The following HBG2 variants were observed in gnomAD, a reference collection of about 807,000 sequenced individuals.
HBG2 encodes hemoglobin subunit gamma-2.
For missense variants in HBG2, 59 were observed against 155.7 expected, an observed-to-expected ratio of 0.38 and a Z score of 3.31; for synonymous variants, 25 against 63.2, an observed-to-expected ratio of 0.40 and a Z score of 2.87.
rs143904799 is a variant in HBG2 at position 5,253,292 on chromosome 11, G to A, written c.429C>T (p.Ser143=). The change falls in exon 3 of 3, where the codon TCC becomes TCT. Residue 143 remains serine (S), a synonymous_variant. Coordinates refer to ENST00000336906, the MANE Select transcript of HBG2 (RefSeq NM_000184.3). The stretch of plus-strand genomic sequence containing the variant: ...GGCAGTGAGCTCAGTGGTATCTGGA[G>A]GACAGGGCACTGGCCACTCCAGTCA... ...KMVTGVASAL[S]SRYH is the part of the protein sequence containing the mutation. The A allele has an allele frequency of 1.4e-3, 2,185 of 1,614,070 alleles. 3 individuals carry two copies. The highest frequency in any genetic ancestry group is 1.8e-3 in the Non-Finnish European group (2,069 of 1,179,968).
chr11:5,254,667 A>G lies in HBG2; in HGVS notation c.62T>C (p.Val21Ala), dbSNP rs63751196. Reference sequence around the variant, plus strand: ...CAGGGTTTCTCCTCCAGCATCTTCCACATTCACCTTGCCCCACAGGCTTGT... The same window carrying G: ...CAGGGTTTCTCCTCCAGCATCTTCCGCATTCACCTTGCCCCACAGGCTTGT... ...TITSLWGKVN[V>A]EDAGGETLGR... is the part of the protein sequence containing the mutation. Residue 21 changes from valine (V) to alanine (A), a missense_variant, in exon 1 of 3, where the codon GTG becomes GCG. Physicochemically the swap from Val to Ala is moderately conservative, Grantham distance 64 (BLOSUM62 0). Coordinates refer to ENST00000336906, the MANE Select transcript of HBG2 (RefSeq NM_000184.3). 244 of 861,492 alleles carry G rather than the reference A, an allele frequency of 2.8e-4. 3 individuals carry two copies. The South Asian group carries it at 3.5e-3, about 12-fold the overall frequency. The allele number at this position is 861,492 out of a possible 1,614,324, so 53.4% of individuals were successfully genotyped here. A position where few individuals can be genotyped will look rare whatever the true frequency, so the allele number is the denominator to read the frequency against.
intron 2 of HBG2, among the ~76,000 whole-genome samples, chr11:5,253,929 T>C (rs1847985187): frequency 6.6e-6 from 1 of 152,080 alleles, no homozygotes; most frequent in Admixed American, 6.6e-5. Flanking sequence ...ATATATGCCT[T>C]CTGCCTGCAT....
intron 2 of HBG2, 126 bp from the exon 3 acceptor site, chr11:5,253,531 C>T (rs1847976388): frequency 8.3e-7 from 1 of 1,203,826 alleles, no homozygotes; most frequent in African/African-American, 1.4e-5. Flanking sequence ...CCCTCAAAGC[C>T]TGAGATTTTG....
chr11:5,253,988 G>T (rs547152339), intron 2 of HBG2, among the ~76,000 whole-genome samples: 1 of 150,854 alleles, frequency 6.6e-6, no homozygotes, highest in African/African-American at 2.5e-5. Flanking sequence ...GTTTTAAAAC[G>T]AATAACAAAA....
chr11:5,253,596 A>G (rs180777769), intron 2 of HBG2, among the ~76,000 whole-genome samples, 191 bp from the exon 3 acceptor site: 1 of 152,140 alleles, frequency 6.6e-6, no homozygotes, highest in Non-Finnish European at 1.5e-5. Context: ...CACTGGCCAT[A>G]ATTTAAATCT....
rs575079820 is a variant in HBG2, at chr11:5,253,216, T to C, written c.*61A>G. On this transcript the variant is annotated 3_prime_UTR_variant, in exon 3 of 3. Coordinates refer to ENST00000336906, the MANE Select transcript of HBG2 (RefSeq NM_000184.3). ...GTGATCTCTTAGCAGAATAGATTTA[T>C]TATTTGATTGCTTGCAGAATAAAGC... The C allele has an allele frequency of 5.0e-4, 788 of 1,591,868 alleles. 2 individuals are homozygous for C. The highest frequency in any genetic ancestry group is 6.0e-4 in the Non-Finnish European group (697 of 1,164,772).
chr11:5,253,260 C>T lies in HBG2; in HGVS notation c.*17G>A. ...ATAAAGCCTATCCTTGAAAGCTCTG[C>T]ATCATGGGCAGTGAGCTCAGTGGTA... On this transcript the variant is annotated 3_prime_UTR_variant, in exon 3 of 3. Transcript: ENST00000336906. The T allele has an allele frequency of 6.2e-7, 1 of 1,611,222 alleles. No homozygotes were observed. The highest frequency in any genetic ancestry group is 1.1e-5 in the South Asian group (1 of 91,064).
Position 5,253,382 on chromosome 11 carries a change from G to T in HBG2, c.339C>A (p.Thr113=), listed in dbSNP as rs201444721. The change falls in exon 3 of 3, where the codon ACC becomes ACA. Residue 113 remains threonine (T), a synonymous_variant. Coordinates refer to ENST00000336906, the MANE Select transcript of HBG2 (RefSeq NM_000184.3). ...CTTTGCCGAAATGGATTGCCAAAACGGTCACCAGCACATTTCCCAGGAGCT... is the reference window on the plus strand; with the variant it reads ...CTTTGCCGAAATGGATTGCCAAAACTGTCACCAGCACATTTCCCAGGAGCT... ...NFKLLGNVLV[T]VLAIHFGKEF... is the part of the protein sequence containing the mutation. The T allele has an allele frequency of 3.1e-6, 5 of 1,612,772 alleles. No homozygotes were observed. Among genetic ancestry groups the T allele is most frequent in the Non-Finnish European group, 4.2e-6 (5 of 1,179,124 alleles).
intron 2 of HBG2, among the ~76,000 whole-genome samples, chr11:5,254,041 G>C (rs1847987257): frequency 6.6e-6 from 1 of 151,778 alleles, no homozygotes; most frequent in Non-Finnish European, 1.5e-5. Context: ...ATCTAATAAA[G>C]AAAAGTCATT....
rs535176697 is a variant in HBG2, at chr11:5,253,556, G to T, written c.316-151C>A. On this transcript the variant is annotated intron_variant, in intron 2 of 2. Coordinates refer to ENST00000336906, the MANE Select transcript of HBG2 (RefSeq NM_000184.3). Reference sequence around the variant, plus strand: ...CTGAGATTTTGCTTTCCCATTAAATGCAGGTAGTTGTTCTTCTTGCAGCAC... The same window carrying T: ...CTGAGATTTTGCTTTCCCATTAAATTCAGGTAGTTGTTCTTCTTGCAGCAC... The T allele has an allele frequency of 9.8e-6, 10 of 1,023,888 alleles. No individual in the cohort carries two copies. The African/African-American group carries it at 1.1e-4, about 11-fold the overall frequency. 63.4% of individuals were successfully genotyped at this position (1,023,888 alleles called of 1,614,324 possible).
rs1847995328 is a variant in HBG2 at position 5,254,480 on chromosome 11, AG to A, written c.126del (p.Phe43LeufsTer27). 2.5e-6 allele frequency: 4 copies of A among 1,613,974 alleles called. No homozygotes were observed. The African/African-American group carries it at 5.3e-5, about 22-fold the overall frequency. Reference sequence around the variant, plus strand: ...GAGGACAGGTTGCCAAAGCTGTCAAAGAACCTCTGGGTCCATGGGTAGACAA... The same window carrying A: ...GAGGACAGGTTGCCAAAGCTGTCAAAAACCTCTGGGTCCATGGGTAGACAA... ...LLVVYPWTQR[F>X]FDSFGNLSSA... is the part of the protein sequence containing the mutation. On this transcript the variant is annotated frameshift_variant, in exon 2 of 3. Coordinates refer to ENST00000336906, the MANE Select transcript of HBG2 (RefSeq NM_000184.3). LOFTEE classifies it high-confidence loss of function.
chr11:5,254,373 G>C lies in HBG2; in HGVS notation c.234C>G (p.His78Gln). 1 of 1,614,306 alleles carries C rather than the reference G, an allele frequency of 6.2e-7. No homozygotes were observed. The highest frequency in any genetic ancestry group is 8.5e-7 in the Non-Finnish European group (1 of 1,180,058). The change falls in exon 2 of 3, where the codon CAC (histidine) becomes CAG (glutamine). Residue 78 changes from histidine (H) to glutamine (Q), a missense_variant. Physicochemically the swap from His to Gln is conservative, Grantham distance 24. Transcript: ENST00000336906. Reference sequence around the variant, plus strand: ...CAAAGGTGCCCTTGAGATCATCCAGGTGCTTTATGGCATCTCCCAAGGAAG... The same window carrying C: ...CAAAGGTGCCCTTGAGATCATCCAGCTGCTTTATGGCATCTCCCAAGGAAG... The part of the protein sequence containing the change: ...VLTSLGDAIK[H>Q]LDDLKGTFAQ...
Position 5,253,195 on chromosome 11 carries a change from T to C in HBG2, c.*82A>G, listed in dbSNP as rs761615890. 6.3e-7 allele frequency: 1 copy of C among 1,594,508 alleles called. No homozygotes were observed. The highest frequency in any genetic ancestry group is 8.6e-7 in the Non-Finnish European group (1 of 1,163,434). ...AAGAACTGAAGACAACCATGTGTGATCTCTTAGCAGAATAGATTTATTATT... is the reference window on the plus strand; with the variant it reads ...AAGAACTGAAGACAACCATGTGTGACCTCTTAGCAGAATAGATTTATTATT... On this transcript the variant is annotated 3_prime_UTR_variant, in exon 3 of 3. Transcript: ENST00000336906.
Position 5,253,369 on chromosome 11 carries a change from G to C in HBG2, c.352C>G (p.His118Asp). The C allele has an allele frequency of 6.2e-7, 1 of 1,613,550 alleles. No individual in the cohort carries two copies. The highest frequency in any genetic ancestry group is 8.5e-7 in the Non-Finnish European group (1 of 1,179,594). The stretch of plus-strand genomic sequence containing the variant: ...TCAGGGGTGAATTCTTTGCCGAAAT[G>C]GATTGCCAAAACGGTCACCAGCACA... The part of the protein sequence containing the change: ...GNVLVTVLAI[H>D]FGKEFTPEVQ... Residue 118 changes from histidine to aspartate, a missense_variant, in exon 3 of 3, where the codon CAT becomes GAT. His to Asp is a moderately conservative substitution (Grantham distance 81). Transcript: ENST00000336906.
At chr11:5,254,040 A>G (rs1310173223) in intron 2 of HBG2, among the ~76,000 whole-genome samples, 2 of 151,834 alleles carry the variant, frequency 1.3e-5, no homozygotes, top group African/African-American at 4.9e-5. Context: ...AATCTAATAA[A>G]GAAAAGTCAT....
chr11:5,253,698 G>GTGCACACACACACACACACA (rs1554922325), intron 2 of HBG2, among the ~76,000 whole-genome samples: 2 of 134,556 alleles, frequency 1.5e-5, no homozygotes, highest in Admixed American at 7.3e-5. Flanking sequence ...ACACACGCGC[G>GTGCACACACACACACACACA]CACACACACA....
intron 2 of HBG2, among the ~76,000 whole-genome samples, chr11:5,254,028 G>A (rs1312132106): frequency 2.6e-5 from 4 of 151,734 alleles, no homozygotes; most frequent in South Asian, 4.1e-4. Context: ...TCTTTCTACC[G>A]AAATCTAATA....
At chr11:5,253,702 A>ACTCT (rs1847981373) in intron 2 of HBG2, among the ~76,000 whole-genome samples, 1 of 133,922 alleles carries the variant, frequency 7.5e-6, no homozygotes. Context: ...ACGCGCGCAC[A>ACTCT]CACACACACA....
At position 5,253,381 on chromosome 11, in the gene HBG2, C is replaced by T. The variant is rs759011977; in HGVS notation, c.340G>A (p.Val114Ile). The T allele has an allele frequency of 1.2e-5, 19 of 1,612,958 alleles. No individual in the cohort carries two copies. The highest frequency in any genetic ancestry group is 4.4e-5 in the South Asian group (4 of 91,052). ...FKLLGNVLVTVLAIHFGKEFT... is the reference protein window; with the variant it reads ...FKLLGNVLVTILAIHFGKEFT... ...TCTTTGCCGAAATGGATTGCCAAAA[C>T]GGTCACCAGCACATTTCCCAGGAGC... is the stretch of plus-strand genomic sequence containing the variant. The change falls in exon 3 of 3, where the codon GTT (valine) becomes ATT (isoleucine). Residue 114 changes from valine to isoleucine, a missense_variant. Val to Ile is a conservative substitution (Grantham distance 29). Coordinates refer to ENST00000336906, the MANE Select transcript of HBG2 (RefSeq NM_000184.3).
Sources: allele counts gnomAD v4.1 joint callset (sites outside exome capture counted in the v4.1 genomes callset), GRCh38; gene constraint gnomAD v4.1.1; transcripts MANE v1.5; gene names NCBI Gene and HGNC (gene_info 2026-07-23, HGNC 2026-07-21).